The following CREM variants were observed in gnomAD, a reference collection of about 807,000 sequenced individuals.
CREM encodes cAMP-responsive element modulator.
In CREM, 13 loss-of-function variants were observed where a neutral mutation model predicts 37.3. The ratio of observed to expected loss-of-function variants is 0.35; its 90% CI spans 0.23 to 0.55. CREM has a LOEUF of 0.55. CREM is among the 20% of genes least tolerant of loss of function. The probability of loss-of-function intolerance (pLI) is 0.88; values close to 1 mark genes in which losing one functional copy is unlikely to be tolerated. For synonymous variants in CREM, 124 were observed against 120.2 expected, an observed-to-expected ratio of 1.03 and a Z score of -0.21; for missense variants, 296 against 362.3, an observed-to-expected ratio of 0.82 and a Z score of 1.49.
chr10:35,135,482 G>C (rs2090313734), intron 1 of CREM: 1 of 152,084 alleles, frequency 6.6e-6, no homozygotes, highest in African/African-American at 2.4e-5. Context: ...CAGGCTCTCC[G>C]GTTTTTGCCA....
intron 3 of CREM, among the ~76,000 whole-genome samples, chr10:35,165,386 C>G (rs945186345): frequency 3.3e-5 from 5 of 152,140 alleles, no homozygotes; most frequent in African/African-American, 1.2e-4. Flanking sequence ...GGCCCCACCT[C>G]CAACATTGAG....
rs535140484 is a variant in CREM at position 35,183,872 on chromosome 10, C to T, written c.410-4328C>T. Among the ~76,000 whole-genome samples, 4 of 152,266 alleles carry T rather than the reference C, an allele frequency of 2.6e-5. No homozygotes were observed. The East Asian group carries it at 5.8e-4, about 22-fold the overall frequency. Reference sequence around the variant, plus strand: ...GGCGGATCACCTGAGGTCAGGCATTCGAGACCAGCCTGGCCAACATGGTGA... The same window carrying T: ...GGCGGATCACCTGAGGTCAGGCATTTGAGACCAGCCTGGCCAACATGGTGA... On this transcript the variant is annotated intron_variant, in intron 5 of 7. Coordinates refer to ENST00000685392, the MANE Select transcript of CREM (RefSeq NM_183011.2).
intron 5 of CREM, among the ~76,000 whole-genome samples, chr10:35,184,894 G>A (rs188666276): frequency 2.9e-4 from 44 of 152,210 alleles, no homozygotes; most frequent in Non-Finnish European, 5.0e-4. Flanking sequence ...TGACTTGATC[G>A]TTATTTAAAA....
chr10:35,146,349 AC>A (rs1323341664), intron 2 of CREM, among the ~76,000 whole-genome samples: 2 of 152,358 alleles, frequency 1.3e-5, no homozygotes, highest in East Asian at 1.9e-4. Context: ...TGTCTGTTGG[AC>A]CTGTGCCCTT....
intron 6 of CREM, among the ~76,000 whole-genome samples, chr10:35,206,311 T>C (rs2095522146): frequency 1.3e-5 from 2 of 152,180 alleles, no homozygotes; most frequent in Non-Finnish European, 2.9e-5. Context: ...TATATGCATA[T>C]ATACATACAC....
intron 1 of CREM, among the ~76,000 whole-genome samples, chr10:35,135,837 A>G (rs1319235982): frequency 1.3e-5 from 2 of 152,146 alleles, no homozygotes; most frequent in Admixed American, 6.5e-5. Context: ...AAAGAATTCA[A>G]AGAGGACAAA....
chr10:35,145,354 G>A (rs1338825564), intron 2 of CREM, among the ~76,000 whole-genome samples: 5 of 151,450 alleles, frequency 3.3e-5, no homozygotes, highest in African/African-American at 4.9e-5. Flanking sequence ...TCTCATAGTC[G>A]ACCTGTCCTT....
chr10:35,138,524 GA>G (rs1439671032), intron 2 of CREM, among the ~76,000 whole-genome samples: 1 of 148,312 alleles, frequency 6.7e-6, no homozygotes, highest in Non-Finnish European at 1.5e-5. Context: ...TAAAATTTTA[GA>G]ATTTTTTTTT....
At chr10:35,196,185 ACTCTTACTCCATC>A (rs1310286822) in intron 6 of CREM, 5 of 1,376,136 alleles carry the variant, frequency 3.6e-6, no homozygotes, top group Non-Finnish European at 3.1e-6. Context: ...CGGGTTCTTT[ACTCTTACTCCATC>A]CTCTTACTCC....
chr10:35,196,123 G>T, intron 6 of CREM: 2 of 1,613,672 alleles, frequency 1.2e-6, no homozygotes, highest in Non-Finnish European at 1.7e-6. Context: ...TCCTACTGAG[G>T]CCGTCCCTGC....
rs1245700785 is a variant in CREM at position 35,188,354 on chromosome 10, G to A, written c.564G>A (p.Gln188=). The A allele has an allele frequency of 1.9e-6, 3 of 1,612,976 alleles. No homozygotes were observed. Among genetic ancestry groups the A allele is most frequent in the Non-Finnish European group, 2.5e-6 (3 of 1,179,672 alleles). The change falls in exon 6 of 8, where the codon CAG becomes CAA. Residue 188 remains glutamine, a synonymous_variant. Coordinates refer to ENST00000685392, the MANE Select transcript of CREM (RefSeq NM_183011.2). ...CACAATCAGCTGATGGCACACAGCA[G>A]TTCTTTGTCCCAGGCAGCCAGGTTG... ...YAAQSADGTQ[Q]FFVPGSQVVV... is the part of the protein sequence containing the mutation.
At chr10:35,148,151 C>T (rs2092309685) in intron 2 of CREM, among the ~76,000 whole-genome samples, 1 of 152,112 alleles carries the variant, frequency 6.6e-6, no homozygotes, top group Non-Finnish European at 1.5e-5. Context: ...TAATTTTATA[C>T]AATATTTTTA....
At chr10:35,167,771 G>A (rs745733796) in intron 3 of CREM, 46 of 1,614,030 alleles carry the variant, frequency 2.9e-5, no homozygotes, top group Middle Eastern at 3.3e-4. Context: ...TCCTATAGAA[G>A]AGGATTATTC....
At chr10:35,143,328 G>C (rs1379394609) in intron 2 of CREM, among the ~76,000 whole-genome samples, 4 of 152,174 alleles carry the variant, frequency 2.6e-5, no homozygotes, top group African/African-American at 7.2e-5. Context: ...AGTGAAGAAA[G>C]GGGGAGGCAG....
intron 2 of CREM, among the ~76,000 whole-genome samples, chr10:35,147,041 G>GTTTT (rs755346866): frequency 9.9e-5 from 12 of 121,008 alleles, no homozygotes; most frequent in South Asian, 5.3e-4. Context: ...AGTTTTTTGG[G>GTTTT]TTTTTTTTTT....
At chr10:35,147,037 T>C (rs2092189894) in intron 2 of CREM, among the ~76,000 whole-genome samples, 1 of 145,556 alleles carries the variant, frequency 6.9e-6, no homozygotes, top group Non-Finnish European at 1.5e-5. Context: ...TATAAGTTTT[T>C]TGGGTTTTTT....
In CREM at chr10:35,212,230, A is replaced by T. The variant is rs1358914851; in HGVS notation, c.*832A>T. ...GAATAGAAAGAAAGTCTATCTAATG[A>T]CATGCCTATATGAGAAGAATAGCCT... is the stretch of plus-strand genomic sequence containing the variant. On this transcript the variant is annotated 3_prime_UTR_variant, in exon 8 of 8. Coordinates refer to ENST00000685392, the MANE Select transcript of CREM (RefSeq NM_183011.2). 1 of 153,760 alleles carries T rather than the reference A, an allele frequency of 6.5e-6. No individual in the cohort carries two copies. Among genetic ancestry groups the T allele is most frequent in the Admixed American group, 6.5e-5 (1 of 15,314 alleles). 9.5% of individuals were successfully genotyped at this position (153,760 alleles called of 1,614,324 possible). A position where few individuals can be genotyped will look rare whatever the true frequency, so the allele number is the denominator to read the frequency against.
intron 3 of CREM, among the ~76,000 whole-genome samples, chr10:35,175,105 G>C (rs747210378): frequency 6.6e-5 from 10 of 152,190 alleles, no homozygotes; most frequent in Non-Finnish European, 1.3e-4. Context: ...CAAAGCATCA[G>C]CTCACATCCA....
At chr10:35,162,598 C>G (rs2093351944) in intron 3 of CREM, among the ~76,000 whole-genome samples, 1 of 152,082 alleles carries the variant, frequency 6.6e-6, no homozygotes, top group Non-Finnish European at 1.5e-5. Flanking sequence ...CCTCCACATG[C>G]TTTCCTTGCC....
Sources: gnomAD v4.1 joint callset for allele counts (sites outside exome capture counted in the v4.1 genomes callset) on GRCh38, gnomAD v4.1.1 for gene constraint, MANE v1.5 for transcripts, NCBI Gene and HGNC (gene_info 2026-07-23, HGNC 2026-07-21) for gene names.